DNAH1: variants seen among roughly 807,000 people sequenced by gnomAD.
The protein encoded by DNAH1 is dynein axonemal heavy chain 1, also known as axonemal beta dynein heavy chain 1.
A neutral mutation model predicts 484.3 loss-of-function variants in DNAH1; 327 were observed. The observed-to-expected ratio is 0.68, with a 90% CI of 0.62 to 0.74. The LOEUF (loss-of-function observed/expected upper bound fraction) is 0.74, where lower values mean the gene tolerates loss of function less well. DNAH1 is among the 30% of genes least tolerant of loss of function. DNAH1 has a pLI of 0.00. For synonymous variants in DNAH1, 2,192 were observed against 2,191.9 expected (o/e 1.00, Z 0.00); for missense variants, 5,052 against 5,546.8 (o/e 0.91, Z 2.83).
chr3:52,384,667 G>C, intron 52 of DNAH1, 119 bp from the exon 53 acceptor site: 1 of 1,016,084 alleles, frequency 9.8e-7, no homozygotes, highest in Non-Finnish European at 1.4e-6. Context: ...GAATGTGAGA[G>C]GCATGGAGGT....
chr3:52,364,128 T>G lies in DNAH1; in HGVS notation c.5245-510T>G, dbSNP rs1702974469. Among the ~76,000 whole-genome samples the G allele has an allele frequency of 6.6e-6, 1 of 152,210 alleles. No individual in the cohort carries two copies. The highest frequency in any genetic ancestry group is 1.5e-5 in the Non-Finnish European group (1 of 68,044). ...TGGGTCTAGATGGAGTCCTCTTGGT[T>G]GGGCACCATGGGGCAGAATGATTAA... On this transcript the variant is annotated intron_variant, in intron 32 of 77. Coordinates refer to ENST00000420323, the MANE Select transcript of DNAH1 (RefSeq NM_015512.5). The surrounding 1 kb of genome is among the most constrained non-coding windows in gnomAD (Gnocchi z 4.2).
rs1702067053 is a variant in DNAH1 at position 52,344,501 on chromosome 3, A to G, written c.1298A>G (p.His433Arg). Residue 433 changes from histidine to arginine, a missense_variant, in exon 9 of 78, where the codon CAC becomes CGC. Around this residue, in one of 4 missense-constraint regions of DNAH1, gnomAD observed 1,263 missense variants for 1,218.8 expected, o/e 1.04. Transcript: ENST00000420323. Reference sequence around the variant, plus strand: ...ATCTCTATGGGCAGGGTTCTAGAGCACCTCAGCAGTCTTGCCAGAGAAGTG... The same window carrying G: ...ATCTCTATGGGCAGGGTTCTAGAGCGCCTCAGCAGTCTTGCCAGAGAAGTG... ...RMRKGPSVLE[H>R]LSSLAREVSL... 9.9e-6 allele frequency: 16 copies of G among 1,613,862 alleles called. No individual in the cohort carries two copies. The highest frequency in any genetic ancestry group is 1.7e-5 in the Admixed American group (1 of 60,026).
At chr3:52,390,566 G>T (rs1423486825) in intron 60 of DNAH1, among the ~76,000 whole-genome samples, 1 of 152,266 alleles carries the variant, frequency 6.6e-6, no homozygotes, top group Admixed American at 6.5e-5. Flanking sequence ...AGGAGGGTCA[G>T]TGGGGTATGG....
intron 44 of DNAH1, chr3:52,373,904 A>G (rs981309922): frequency 7.3e-6 from 10 of 1,378,200 alleles, no homozygotes; most frequent in Non-Finnish European, 1.0e-5. Flanking sequence ...ATCCTACGGG[A>G]GCAGAATTTG....
intron 8 of DNAH1, among the ~76,000 whole-genome samples, chr3:52,340,581 G>C (rs983894409): frequency 2.0e-5 from 3 of 151,906 alleles, no homozygotes; most frequent in Non-Finnish European, 2.9e-5. Context: ...ACTACAGGTG[G>C]TTACCACCAC....
In DNAH1 at chr3:52,375,424, G is replaced by A; in HGVS notation, c.7159+11G>A. 1.2e-6 allele frequency: 2 copies of A among 1,609,946 alleles called. No individual in the cohort carries two copies. The highest frequency in any genetic ancestry group is 1.7e-6 in the Non-Finnish European group (2 of 1,178,702). On this transcript the variant is annotated intron_variant, in intron 45 of 77. Coordinates refer to ENST00000420323, the MANE Select transcript of DNAH1 (RefSeq NM_015512.5). ...TGGGCAACTGGTTGGGTGAGTATTG[G>A]TGGGGGTGAGCATGGACAAAGGCAG...
chr3:52,374,298 T>C, intron 44 of DNAH1: 2 of 1,534,406 alleles, frequency 1.3e-6, no homozygotes, highest in Non-Finnish European at 9.0e-7. Context: ...AAGATTTTCT[T>C]ATTGAAGGTG....
chr3:52,369,362 G>T (rs1200835308), intron 37 of DNAH1, among the ~76,000 whole-genome samples: 1 of 152,190 alleles, frequency 6.6e-6, no homozygotes, highest in East Asian at 1.9e-4. Context: ...GATCTGTCTG[G>T]TGTGTGAGGA....
intron 9 of DNAH1, among the ~76,000 whole-genome samples, chr3:52,345,140 T>G (rs1702092865): frequency 6.6e-6 from 1 of 152,236 alleles, no homozygotes; most frequent in Admixed American, 6.5e-5. Context: ...TTCTGGTACC[T>G]ACCCTTTCCT....
intron 15 of DNAH1, 148 bp downstream of exon 15, chr3:52,350,256 T>C: frequency 8.3e-7 from 1 of 1,202,152 alleles, no homozygotes; most frequent in Non-Finnish European, 1.2e-6. Context: ...TTTAGGGGGT[T>C]GTGAGCCGGG....
intron 46 of DNAH1, among the ~76,000 whole-genome samples, chr3:52,378,379 T>C (rs959987802): frequency 6.6e-6 from 1 of 150,780 alleles, no homozygotes. Context: ...CGACAGGCCA[T>C]GTCAGCATAA....
intron 50 of DNAH1, among the ~76,000 whole-genome samples, chr3:52,383,077 C>T (rs1703927468): frequency 6.6e-6 from 1 of 152,244 alleles, no homozygotes; most frequent in Non-Finnish European, 1.5e-5. Context: ...CTATCTCTGC[C>T]CGTGGCCATG....
At chr3:52,348,735 C>T (rs995827659) in intron 12 of DNAH1, among the ~76,000 whole-genome samples, 153 bp from the exon 13 acceptor site, 1 of 152,194 alleles carries the variant, frequency 6.6e-6, no homozygotes, top group South Asian at 2.1e-4. Context: ...CTGCATCCCT[C>T]CTTTTGTATT....
intron 1 of DNAH1, among the ~76,000 whole-genome samples, chr3:52,317,489 G>A (rs1700989881): frequency 6.6e-6 from 1 of 152,208 alleles, no homozygotes; most frequent in Non-Finnish European, 1.5e-5. Context: ...TGGCTTAAAT[G>A]CCAACTTCCA....
chr3:52,351,907 A>G, intron 16 of DNAH1, 55 bp from the exon 17 acceptor site: 2 of 1,566,040 alleles, frequency 1.3e-6, no homozygotes, highest in African/African-American at 2.7e-5. Context: ...TGGTCTTGCC[A>G]CTCCACCACT....
Position 52,353,084 on chromosome 3 carries a change from T to C in DNAH1, c.3028-19T>C. On this transcript the variant is annotated intron_variant, in intron 18 of 77. Transcript: ENST00000420323. This position sits in a 1 kb window ranked among gnomAD's most constrained non-coding sequence, Gnocchi z 5.0. ...AAGTGTCCCAAGACAGCCCCAGCCC[T>C]GCCCTCCTGTCCCTGCAGTATGACA... The C allele has an allele frequency of 6.2e-7, 1 of 1,604,272 alleles. No individual in the cohort carries two copies.
Position 52,368,364 on chromosome 3 carries a change from G to C in DNAH1, c.5766-377G>C, listed in dbSNP as rs912890516. 6.6e-6 allele frequency among the ~76,000 whole-genome samples: 1 copy of C among 152,076 alleles called. No individual in the cohort carries two copies. Among genetic ancestry groups the C allele is most frequent in the African/African-American group, 2.4e-5 (1 of 41,374 alleles). ...CTGCCTCTGAGGTCTGAGTCCCCTG[G>C]GTTCTGAGGCAGGACCTGGCCACTT... On this transcript the variant is annotated intron_variant, in intron 36 of 77. Coordinates refer to ENST00000420323, the MANE Select transcript of DNAH1 (RefSeq NM_015512.5). This position sits in a 1 kb window ranked among gnomAD's most constrained non-coding sequence, Gnocchi z 4.4.
At chr3:52,385,501 C>T (rs1347007282) in intron 54 of DNAH1, 54 bp downstream of exon 54, 2 of 1,454,124 alleles carry the variant, frequency 1.4e-6, no homozygotes, top group Middle Eastern at 1.8e-4. Flanking sequence ...AAGCTCGGCA[C>T]CCCCACACAG....
chr3:52,315,250 G>T (rs976466622), upstream of DNAH1, among the ~76,000 whole-genome samples: 1 of 152,182 alleles, frequency 6.6e-6, no homozygotes, highest in Non-Finnish European at 1.5e-5. Context: ...AGATCCTGGG[G>T]GCCCAAGAGG....
Sources: gnomAD v4.1 joint callset for allele counts (sites outside exome capture counted in the v4.1 genomes callset) on GRCh38, gnomAD v4.1.1 for gene constraint, gnomAD v4.1.1 regional missense constraint, Gnocchi (gnomAD v3.1) non-coding constraint, MANE v1.5 for transcripts, NCBI Gene and HGNC (gene_info 2026-07-23, HGNC 2026-07-21) for gene names.